Variants in CXCL1 observed in about 807,000 individuals in gnomAD.
The protein encoded by CXCL1 is C-X-C motif chemokine ligand 1, also known as growth-regulated alpha protein.
CXCL1 carries 9 observed loss-of-function variants against 11.7 expected under a neutral mutation model. The observed-to-expected ratio is 0.77, with a 90% confidence interval of 0.46 to 1.34. The LOEUF (loss-of-function observed/expected upper bound fraction) is 1.34, where lower values mean the gene tolerates loss of function less well. Among genes scored for constraint, CXCL1 ranks in the 40% most tolerant of loss-of-function variants. CXCL1 has a pLI of 0.00. For missense variants in CXCL1, 146 were observed against 138.1 expected, an observed-to-expected ratio of 1.06 and a Z score of -0.29; for synonymous variants, 78 against 59.1, an observed-to-expected ratio of 1.32 and a Z score of -1.47.
rs1456040859 is a variant in CXCL1, at chr4:73,869,902, G to A, written c.225-4G>A. On this transcript the variant is annotated splice_polypyrimidine_tract_variant and splice_region_variant and intron_variant, in intron 2 of 3. Coordinates refer to ENST00000395761, the MANE Select transcript of CXCL1 (RefSeq NM_001511.4). ...TGCCTCACGAGATTCCCTTCCCTCT[G>A]CAGAGCCACACTCAAGAATGGGCGG... 3 of 1,614,116 alleles carry A rather than the reference G, an allele frequency of 1.9e-6. No homozygotes were observed. Among genetic ancestry groups the A allele is most frequent in the South Asian group, 2.2e-5 (2 of 91,076 alleles).
At chr4:73,870,097 C>A (rs1731913665) in intron 3 of CXCL1, 108 bp downstream of exon 3, 1 of 1,080,468 alleles carries the variant, frequency 9.3e-7, no homozygotes, top group Non-Finnish European at 1.4e-6. Flanking sequence ...AGTTGAAGGA[C>A]TAGAAATTGG....
chr4:73,870,536 AC>A lies in CXCL1; in HGVS notation c.*2del. On this transcript the variant is annotated 3_prime_UTR_variant, in exon 4 of 4. Transcript: ENST00000395761. ...CTCATTGCAGTGACAAATCCAACTG[AC>A]CAGAAGGGAGGAGGAAGCTCACTGG... 6.2e-7 allele frequency: 1 copy of A among 1,613,806 alleles called. No individual in the cohort carries two copies. Among genetic ancestry groups the A allele is most frequent in the Non-Finnish European group, 8.5e-7 (1 of 1,179,818 alleles).
intron 3 of CXCL1, 21 bp from the exon 4 acceptor site, chr4:73,870,500 G>A (rs1371825208): frequency 7.4e-6 from 12 of 1,613,672 alleles, no homozygotes; most frequent in Middle Eastern, 1.6e-4. Flanking sequence ...CCTACTCAGG[G>A]CACCCATTTT....
rs200265142 is a variant in CXCL1 at position 73,869,893 on chromosome 4, C to T, written c.225-13C>T. The T allele has an allele frequency of 1.2e-6, 2 of 1,614,044 alleles. No homozygotes were observed. The highest frequency in any genetic ancestry group is 2.2e-5 in the East Asian group (1 of 44,890). ...CCGACCTCCTGCCTCACGAGATTCC[C>T]TTCCCTCTGCAGAGCCACACTCAAG... On this transcript the variant is annotated splice_polypyrimidine_tract_variant and intron_variant, in intron 2 of 3. Transcript: ENST00000395761.
At chr4:73,870,287 C>T (rs1731918080) in intron 3 of CXCL1, 1 of 618,824 alleles carries the variant, frequency 1.6e-6, no homozygotes, top group South Asian at 2.0e-5. Context: ...TGTTTTTAAT[C>T]CAATAGTACA....
In CXCL1 at chr4:73,869,651, G is replaced by GA. The variant is rs1337145894; in HGVS notation, c.101-17dup. 3 of 1,614,108 alleles carry GA rather than the reference G, an allele frequency of 1.9e-6. No individual in the cohort carries two copies. The highest frequency in any genetic ancestry group is 1.7e-5 in the Admixed American group (1 of 60,030). On this transcript the variant is annotated splice_polypyrimidine_tract_variant and intron_variant, in intron 1 of 3. Transcript: ENST00000395761. ...GCGCCGACAGCCTCGCTCAGTCAGTGAGTCTCTTCTTCCCTAGGAGCGTCC... is the reference window on the plus strand; with the variant it reads ...GCGCCGACAGCCTCGCTCAGTCAGTGAAGTCTCTTCTTCCCTAGGAGCGTCC...
rs1028024059 is a variant in CXCL1, at chr4:73,869,449, C to T, written c.-22C>T. ...AGCTCTTCCGCTCCTCTCACAGCCG[C>T]CAGACCCGCCTGCTGAGCCCCATGG... On this transcript the variant is annotated 5_prime_UTR_variant, in exon 1 of 4. Transcript: ENST00000395761. 38 of 1,545,978 alleles carry T rather than the reference C, an allele frequency of 2.5e-5. No individual in the cohort carries two copies. The highest frequency in any genetic ancestry group is 3.0e-5 in the Non-Finnish European group (35 of 1,148,138).
rs7656335 is a variant in CXCL1 at position 73,869,807 on chromosome 4, G to C, written c.224+15G>C. 98,722 of 1,613,518 alleles carry C rather than the reference G, an allele frequency of 0.061. 5,207 individuals carry two copies. The highest frequency in any genetic ancestry group is 0.27 in the African/African-American group (20,540 of 74,900). On this transcript the variant is annotated intron_variant, in intron 2 of 3. Transcript: ENST00000395761. ...ACCGAAGTCATGTAAGTCCCGCCCC[G>C]CGCTGCCTCTGCCACCGCCGGGGTC...
intron 3 of CXCL1, 193 bp from the exon 4 acceptor site, chr4:73,870,326 ATT>A: frequency 1.0e-5 from 4 of 396,782 alleles, no homozygotes; most frequent in Non-Finnish European, 1.9e-5. Context: ...CCCCACCCCC[ATT>A]CCTAAAAGAG....
rs1294798462 is a variant in CXCL1 at position 73,870,593 on chromosome 4, T to C, written c.*57T>C. The stretch of plus-strand genomic sequence containing the variant: ...GTTCCTGAAGGAGGCCCTGCCCTTA[T>C]AGGAACAGAAGAGGAAAGAGAGACA... On this transcript the variant is annotated 3_prime_UTR_variant, in exon 4 of 4. Coordinates refer to ENST00000395761, the MANE Select transcript of CXCL1 (RefSeq NM_001511.4). 16 of 1,608,254 alleles carry C rather than the reference T, an allele frequency of 9.9e-6. No homozygotes were observed. The highest frequency in any genetic ancestry group is 5.5e-5 in the South Asian group (5 of 90,630).
In CXCL1 at chr4:73,871,186, G is replaced by A. The variant is rs1042092379; in HGVS notation, c.*650G>A. 1 of 152,038 alleles carries A rather than the reference G, an allele frequency of 6.6e-6. No homozygotes were observed. The highest frequency in any genetic ancestry group is 1.5e-5 in the Non-Finnish European group (1 of 68,016). 9.4% of individuals were successfully genotyped at this position (152,038 alleles called of 1,614,324 possible). Reference sequence around the variant, plus strand: ...CAGTGTTTCTGGCTTAGAACAAAGGGGCTTAATTATTGATGTTTTCATAGA... The same window carrying A: ...CAGTGTTTCTGGCTTAGAACAAAGGAGCTTAATTATTGATGTTTTCATAGA... On this transcript the variant is annotated 3_prime_UTR_variant, in exon 4 of 4. Coordinates refer to ENST00000395761, the MANE Select transcript of CXCL1 (RefSeq NM_001511.4).
At position 73,869,455 on chromosome 4, in the gene CXCL1, C is replaced by A. The variant is rs1159987225; in HGVS notation, c.-16C>A. ...TCCGCTCCTCTCACAGCCGCCAGAC[C>A]CGCCTGCTGAGCCCCATGGCCCGCG... On this transcript the variant is annotated 5_prime_UTR_variant, in exon 1 of 4. Transcript: ENST00000395761. The A allele has an allele frequency of 6.5e-7, 1 of 1,548,972 alleles. No individual in the cohort carries two copies. Among genetic ancestry groups the A allele is most frequent in the Non-Finnish European group, 8.7e-7 (1 of 1,149,184 alleles).
rs200543208 is a variant in CXCL1 at position 73,869,552 on chromosome 4, G to A, written c.82G>A (p.Ala28Thr). ...ACTGCTGCTCCTGCTCCTGGTAGCC[G>A]CTGGCCGGCGCGCAGCAGGTGGGTA... ...VALLLLLLVA[A>T]GRRAAGASVA... is the part of the protein sequence containing the mutation. Residue 28 changes from alanine to threonine, a missense_variant, in exon 1 of 4, where the codon GCT becomes ACT. By Grantham distance (58) the Ala-to-Thr change is moderately conservative. Coordinates refer to ENST00000395761, the MANE Select transcript of CXCL1 (RefSeq NM_001511.4). 6.2e-7 allele frequency: 1 copy of A among 1,609,194 alleles called. No individual in the cohort carries two copies. The highest frequency in any genetic ancestry group is 8.5e-7 in the Non-Finnish European group (1 of 1,177,774).
At position 73,869,666 on chromosome 4, in the gene CXCL1, T is replaced by A. The variant is rs1731893473; in HGVS notation, c.101-3T>A. Reference sequence around the variant, plus strand: ...CTCAGTCAGTGAGTCTCTTCTTCCCTAGGAGCGTCCGTGGCCACTGAACTG... The same window carrying A: ...CTCAGTCAGTGAGTCTCTTCTTCCCAAGGAGCGTCCGTGGCCACTGAACTG... On this transcript the variant is annotated splice_polypyrimidine_tract_variant and splice_region_variant and intron_variant, in intron 1 of 3. Coordinates refer to ENST00000395761, the MANE Select transcript of CXCL1 (RefSeq NM_001511.4). 1 of 1,614,028 alleles carries A rather than the reference T, an allele frequency of 6.2e-7. No individual in the cohort carries two copies.
chr4:73,869,786 A>G lies in CXCL1; in HGVS notation c.218A>G (p.Glu73Gly). The G allele has an allele frequency of 3.7e-6, 6 of 1,613,468 alleles. No homozygotes were observed. The highest frequency in any genetic ancestry group is 5.1e-6 in the Non-Finnish European group (6 of 1,179,768). Residue 73 changes from glutamate (E) to glycine (G), a missense_variant, in exon 2 of 4, where the codon GAA becomes GGA. Physicochemically the swap from Glu to Gly is moderately conservative, Grantham distance 98. Coordinates refer to ENST00000395761, the MANE Select transcript of CXCL1 (RefSeq NM_001511.4). ...KSPGPHCAQT[E>G]VIATLKNGRK... ...CCCGGACCCCACTGCGCCCAAACCG[A>G]AGTCATGTAAGTCCCGCCCCGCGCT... is the stretch of plus-strand genomic sequence containing the variant.
Position 73,869,685 on chromosome 4 carries a change from T to A in CXCL1, c.117T>A (p.Thr39=). ...CTTCCCTAGGAGCGTCCGTGGCCACTGAACTGCGCTGCCAGTGCTTGCAGA... is the reference window on the plus strand; with the variant it reads ...CTTCCCTAGGAGCGTCCGTGGCCACAGAACTGCGCTGCCAGTGCTTGCAGA... ...GRRAAGASVA[T]ELRCQCLQTL... is the part of the protein sequence containing the mutation. The change falls in exon 2 of 4, where the codon ACT becomes ACA. Residue 39 remains threonine, a synonymous_variant. Coordinates refer to ENST00000395761, the MANE Select transcript of CXCL1 (RefSeq NM_001511.4). 6.2e-7 allele frequency: 1 copy of A among 1,614,196 alleles called. No homozygotes were observed. The highest frequency in any genetic ancestry group is 8.5e-7 in the Non-Finnish European group (1 of 1,180,024).
chr4:73,870,669 G>C lies in CXCL1; in HGVS notation c.*133G>C, dbSNP rs1033669582. On this transcript the variant is annotated 3_prime_UTR_variant, in exon 4 of 4. Coordinates refer to ENST00000395761, the MANE Select transcript of CXCL1 (RefSeq NM_001511.4). The stretch of plus-strand genomic sequence containing the variant: ...GCCTAATGTGTTTGAGCATCGCTTA[G>C]GAGAAGTCTTCTATTTATTTATTTA... 2.2e-6 allele frequency: 2 copies of C among 928,048 alleles called. No individual in the cohort carries two copies. The highest frequency in any genetic ancestry group is 3.2e-6 in the Non-Finnish European group (2 of 617,616). The allele number at this position is 928,048 out of a possible 1,614,324, so 57.5% of individuals were successfully genotyped here. A position where few individuals can be genotyped will look rare whatever the true frequency, so the allele number is the denominator to read the frequency against.
At chr4:73,870,023 G>C in intron 3 of CXCL1, 34 bp downstream of exon 3, 1 of 1,606,616 alleles carries the variant, frequency 6.2e-7, no homozygotes, top group Non-Finnish European at 8.5e-7. Flanking sequence ...CAGGCGACTG[G>C]AGCCGTTGGT....
Position 73,869,703 on chromosome 4 carries a change from C to T in CXCL1, c.135C>T (p.Cys45=), listed in dbSNP as rs946100884. 1 of 1,614,098 alleles carries T rather than the reference C, an allele frequency of 6.2e-7. No individual in the cohort carries two copies. Among genetic ancestry groups the T allele is most frequent in the African/African-American group, 1.3e-5 (1 of 74,938 alleles). The change falls in exon 2 of 4, where the codon TGC becomes TGT. Residue 45 remains cysteine (C), a synonymous_variant. Transcript: ENST00000395761. The stretch of plus-strand genomic sequence containing the variant: ...TGGCCACTGAACTGCGCTGCCAGTG[C>T]TTGCAGACCCTGCAGGGAATTCACC... The part of the protein sequence containing the change: ...ASVATELRCQ[C]LQTLQGIHPK...
Sources: allele counts gnomAD v4.1 joint callset, GRCh38; gene constraint gnomAD v4.1.1; transcripts MANE v1.5; gene names NCBI Gene and HGNC (gene_info 2026-07-23, HGNC 2026-07-21).